Variants in SORCS1 observed in about 807,000 individuals in gnomAD.
The protein encoded by SORCS1 is VPS10 domain-containing receptor SorCS1.
Under a neutral mutation model 146.1 loss-of-function variants are expected in SORCS1, and 60 were observed. The ratio of observed to expected loss-of-function variants is 0.41; its 90% CI spans 0.33 to 0.51. The LOEUF (loss-of-function observed/expected upper bound fraction) is 0.51, where lower values mean the gene tolerates loss of function less well. Among genes scored for constraint, SORCS1 ranks in the 20% least tolerant of loss-of-function variants. The pLI is 0.21. For synonymous variants in SORCS1, 637 were observed against 584.0 expected (o/e 1.09, Z -1.31); for missense variants, 1,352 against 1,487.6 (o/e 0.91, Z 1.50).
intron 2 of SORCS1, among the ~76,000 whole-genome samples, chr10:106,933,850 T>C (rs1953543522): frequency 1.3e-5 from 2 of 152,138 alleles, no homozygotes; most frequent in South Asian, 4.1e-4. Flanking sequence ...TCCTAGTACT[T>C]TGGGAGGCCA....
Position 106,869,137 on chromosome 10 carries a change from C to T in SORCS1, c.627-39464G>A, listed in dbSNP as rs549010454. Among the ~76,000 whole-genome samples, 70 of 152,018 alleles carry T rather than the reference C, an allele frequency of 4.6e-4. 2 individuals are homozygous for T. The highest frequency in any genetic ancestry group is 7.5e-4 in the Non-Finnish European group (51 of 67,986). On this transcript the variant is annotated intron_variant, in intron 2 of 25. Transcript: ENST00000263054. The stretch of plus-strand genomic sequence containing the variant: ...ACACATACACCCTCCTAAGAATGAA[C>T]CAGAAAGAAATTGATTCCCTGAACA...
chr10:107,132,484 T>C (rs2134643352), intron 1 of SORCS1, among the ~76,000 whole-genome samples: 1 of 152,282 alleles, frequency 6.6e-6, no homozygotes, highest in South Asian at 2.1e-4. Context: ...ATTTGTACCA[T>C]GTACCCATCA....
chr10:106,952,542 A>ATATTATAT (rs1954734184), intron 2 of SORCS1, among the ~76,000 whole-genome samples: 1 of 143,054 alleles, frequency 7.0e-6, no homozygotes, highest in African/African-American at 2.5e-5. Context: ...ATGACACATT[A>ATATTATAT]TATATTATAT....
At chr10:107,106,931 C>A (rs1397881070) in intron 1 of SORCS1, among the ~76,000 whole-genome samples, 1 of 152,170 alleles carries the variant, frequency 6.6e-6, no homozygotes, top group East Asian at 1.9e-4. Context: ...AGGCCCTCAC[C>A]AGATACCTAA....
chr10:106,613,394 G>T (rs1393105785), intron 21 of SORCS1, among the ~76,000 whole-genome samples: 1 of 152,116 alleles, frequency 6.6e-6, no homozygotes, highest in Non-Finnish European at 1.5e-5. Context: ...TCTGCAGTCT[G>T]AGGAAGGTTC....
Position 106,620,200 on chromosome 10 carries a change from G to A in SORCS1, c.2796+228C>T, listed in dbSNP as rs185782236. The A allele has an allele frequency of 7.4e-4, 329 of 443,148 alleles. 1 individual carries two copies. Among genetic ancestry groups the A allele is most frequent in the African/African-American group, 5.7e-3 (281 of 49,710 alleles). 27.5% of individuals were successfully genotyped at this position (443,148 alleles called of 1,614,324 possible). On this transcript the variant is annotated intron_variant, in intron 20 of 25. Coordinates refer to ENST00000263054, the MANE Select transcript of SORCS1 (RefSeq NM_052918.5). ...AAGACAAGTACAGCTGGAGAAAAACGTAAACATAGAGGAAGGCAGAGATGA... is the reference window on the plus strand; with the variant it reads ...AAGACAAGTACAGCTGGAGAAAAACATAAACATAGAGGAAGGCAGAGATGA...
At chr10:106,830,592 T>TAAA (rs142485362) in intron 2 of SORCS1, among the ~76,000 whole-genome samples, 27 of 146,144 alleles carry the variant, frequency 1.8e-4, no homozygotes, top group East Asian at 1.0e-3. Flanking sequence ...TTTTTTTTTT[T>TAAA]AAAAAAATTT....
intron 2 of SORCS1, among the ~76,000 whole-genome samples, chr10:106,904,008 C>G (rs985937269): frequency 9.9e-5 from 15 of 152,176 alleles, no homozygotes; most frequent in Non-Finnish European, 2.1e-4. Flanking sequence ...ACTCTTATCT[C>G]TTGAAAAACA....
chr10:107,065,738 G>A (rs747662547), intron 1 of SORCS1, among the ~76,000 whole-genome samples: 10 of 151,850 alleles, frequency 6.6e-5, no homozygotes, highest in African/African-American at 9.7e-5. Context: ...GGCTGGTCTC[G>A]AACTCCTGAG....
chr10:106,696,008 G>C (rs1853674684), intron 9 of SORCS1, among the ~76,000 whole-genome samples: 2 of 152,110 alleles, frequency 1.3e-5, no homozygotes, highest in Admixed American at 1.3e-4. Context: ...GCATTTTTTA[G>C]AAAGACCCGT....
chr10:106,706,519 A>T, intron 8 of SORCS1, 26 bp downstream of exon 8: 2 of 1,608,828 alleles, frequency 1.2e-6, no homozygotes, highest in Non-Finnish European at 1.7e-6. Flanking sequence ...TCAAGAGTGA[A>T]ATGAAGAAAG....
intron 1 of SORCS1, among the ~76,000 whole-genome samples, chr10:106,978,647 A>C (rs1039099859): frequency 1.3e-5 from 2 of 152,038 alleles, no homozygotes; most frequent in South Asian, 2.1e-4. Context: ...AAAATACAAA[A>C]ATTAGCCAGG....
chr10:106,601,835 T>C (rs1354889018), intron 23 of SORCS1, among the ~76,000 whole-genome samples: 1 of 152,188 alleles, frequency 6.6e-6, no homozygotes, highest in East Asian at 1.9e-4. Context: ...TTGAATACTT[T>C]AGCTTGGAAG....
chr10:106,633,156 G>GT (rs1220272251), intron 18 of SORCS1, among the ~76,000 whole-genome samples: 1 of 152,060 alleles, frequency 6.6e-6, no homozygotes, highest in Non-Finnish European at 1.5e-5. Flanking sequence ...CCATTAAAGT[G>GT]TTTTACTTTT....
intron 2 of SORCS1, among the ~76,000 whole-genome samples, chr10:106,836,909 A>G (rs1948814392): frequency 6.6e-6 from 1 of 152,186 alleles, no homozygotes; most frequent in African/African-American, 2.4e-5. Flanking sequence ...AAGATATCTC[A>G]GTCTAATAGA....
chr10:107,164,203 C>T lies in SORCS1; in HGVS notation c.324G>A (p.Arg108=). The change falls in exon 1 of 26, where the codon AGG becomes AGA. Residue 108 remains arginine (R), a synonymous_variant. Coordinates refer to ENST00000263054, the MANE Select transcript of SORCS1 (RefSeq NM_052918.5). The surrounding 1 kb of genome is among the most constrained non-coding windows in gnomAD (Gnocchi z 6.8). ...TCTCCTGATCCGCTCCGCTCCGTCT[C>T]CTCCGGCCGGAGCGTGCAGCAACCG... ...SMAVAARSGR[R]RRSGADQEKA... 8.1e-6 allele frequency: 13 copies of T among 1,610,384 alleles called. No individual in the cohort carries two copies. The highest frequency in any genetic ancestry group is 1.1e-5 in the Non-Finnish European group (13 of 1,179,904).
intron 21 of SORCS1, among the ~76,000 whole-genome samples, chr10:106,615,876 T>C (rs1250973861): frequency 1.3e-5 from 2 of 152,166 alleles, no homozygotes; most frequent in Non-Finnish European, 2.9e-5. Context: ...TGGGAGGTGC[T>C]TACAAACATA....
intron 1 of SORCS1, among the ~76,000 whole-genome samples, chr10:107,035,262 CA>C (rs201009614): frequency 2.1e-4 from 6 of 28,372 alleles, no homozygotes; most frequent in Admixed American, 7.9e-4. Flanking sequence ...AGTGAAGCTT[CA>C]AAAAAAAAAA....
chr10:106,843,576 C>G (rs1202789902), intron 2 of SORCS1, among the ~76,000 whole-genome samples: 6 of 151,968 alleles, frequency 3.9e-5, no homozygotes, highest in Non-Finnish European at 7.4e-5. Flanking sequence ...GGACTACAGG[C>G]ATCTGCCACC....
Sources: allele counts gnomAD v4.1 joint callset (sites outside exome capture counted in the v4.1 genomes callset), GRCh38; gene constraint gnomAD v4.1.1; non-coding constraint Gnocchi (gnomAD v3.1); transcripts MANE v1.5; gene names NCBI Gene and HGNC (gene_info 2026-07-23, HGNC 2026-07-21).